TEAD1: variants seen among roughly 807,000 people sequenced by gnomAD.
TEAD1 encodes TEA domain transcription factor 1.
In TEAD1, 9 loss-of-function variants were observed where a neutral mutation model predicts 54.9. The observed-to-expected ratio is 0.16, with a 90% CI of 0.10 to 0.29. TEAD1 has a LOEUF of 0.29. Among genes scored for constraint, TEAD1 ranks in the 10% least tolerant of loss-of-function variants. TEAD1 has a pLI of 1.00. For missense variants in TEAD1, 387 were observed against 535.9 expected (o/e 0.72, Z 2.74); for synonymous variants, 200 against 187.8 (o/e 1.07, Z -0.53).
intron 9 of TEAD1, among the ~76,000 whole-genome samples, chr11:12,898,095 A>C (rs2134123334): frequency 6.6e-6 from 1 of 152,272 alleles, no homozygotes; most frequent in South Asian, 2.1e-4. Flanking sequence ...CACATCTATA[A>C]ACAACACATT....
intron 1 of TEAD1, among the ~76,000 whole-genome samples, 158 bp downstream of exon 1, chr11:12,674,992 C>T (rs1333238990): frequency 6.7e-6 from 1 of 148,242 alleles, no homozygotes; most frequent in African/African-American, 2.4e-5. Context: ...GCCCCCACAC[C>T]CGCCTCCCCG....
At chr11:12,870,909 G>A (rs1947734178) in intron 5 of TEAD1, among the ~76,000 whole-genome samples, 1 of 152,082 alleles carries the variant, frequency 6.6e-6, no homozygotes, top group African/African-American at 2.4e-5. Context: ...AAGAAAAAAT[G>A]TCTAGGACAG....
chr11:12,808,836 T>G (rs888466060), intron 3 of TEAD1, among the ~76,000 whole-genome samples: 1 of 152,196 alleles, frequency 6.6e-6, no homozygotes, highest in Non-Finnish European at 1.5e-5. Context: ...GAGTTTCAGT[T>G]TCCTTTTCTG....
At chr11:12,929,305 G>T (rs2134168754) in intron 11 of TEAD1, among the ~76,000 whole-genome samples, 1 of 152,018 alleles carries the variant, frequency 6.6e-6, no homozygotes, top group African/African-American at 2.4e-5. Flanking sequence ...TGTATGAAGA[G>T]TTTATTTTGT....
intron 3 of TEAD1, among the ~76,000 whole-genome samples, chr11:12,829,579 A>G (rs1425631483): frequency 6.6e-6 from 1 of 152,220 alleles, no homozygotes; most frequent in Non-Finnish European, 1.5e-5. Context: ...GATAATGCTC[A>G]TACTGATCCT....
intron 5 of TEAD1, among the ~76,000 whole-genome samples, chr11:12,868,126 G>A (rs755038572): frequency 6.6e-6 from 1 of 152,210 alleles, no homozygotes; most frequent in Non-Finnish European, 1.5e-5. Flanking sequence ...ACTGCCAGAT[G>A]TGTCTTCCTG....
intron 9 of TEAD1, among the ~76,000 whole-genome samples, chr11:12,895,439 A>G (rs1020059469): frequency 5.9e-5 from 9 of 152,108 alleles, no homozygotes; most frequent in Non-Finnish European, 1.0e-4. Context: ...TTTTTGGTGA[A>G]CCCTACCTGC....
At chr11:12,687,889 G>C (rs181810059) in intron 2 of TEAD1, among the ~76,000 whole-genome samples, 1 of 152,078 alleles carries the variant, frequency 6.6e-6, no homozygotes, top group Non-Finnish European at 1.5e-5. Flanking sequence ...GGACTCCTCC[G>C]GGCCAGGCTA....
At chr11:12,871,889 T>C (rs1206011177) in intron 5 of TEAD1, among the ~76,000 whole-genome samples, 1 of 152,160 alleles carries the variant, frequency 6.6e-6, no homozygotes, top group Non-Finnish European at 1.5e-5. Context: ...AAGAAAAACC[T>C]GTACTTGCTG....
chr11:12,813,615 G>A (rs1428301773), intron 3 of TEAD1, among the ~76,000 whole-genome samples: 1 of 152,192 alleles, frequency 6.6e-6, no homozygotes, highest in African/African-American at 2.4e-5. Context: ...TGAGATAAGA[G>A]CTGTGTGACT....
rs1410062259 is a variant in TEAD1, at chr11:12,899,258, T to C, written c.700-2682T>C. The stretch of plus-strand genomic sequence containing the variant: ...GAGAGCTAGCTGTAAGCAGAGGTTG[T>C]TAATCAGGGTTGGATGGACGGATAC... On this transcript the variant is annotated intron_variant, in intron 9 of 12. Coordinates refer to ENST00000527636, the MANE Select transcript of TEAD1 (RefSeq NM_021961.6). 2.7e-5 allele frequency among the ~76,000 whole-genome samples: 4 copies of C among 150,400 alleles called. No homozygotes were observed. The Admixed American group carries it at 2.7e-4, about 10-fold the overall frequency.
At chr11:12,931,921 AT>A (rs1263199765) in intron 12 of TEAD1, among the ~76,000 whole-genome samples, 2 of 135,550 alleles carry the variant, frequency 1.5e-5, no homozygotes, top group Admixed American at 7.5e-5. Flanking sequence ...CCTGGTTTTT[AT>A]TTTTTAAGCT....
chr11:12,918,776 G>A (rs1948758321), intron 10 of TEAD1, among the ~76,000 whole-genome samples: 1 of 152,176 alleles, frequency 6.6e-6, no homozygotes, highest in African/African-American at 2.4e-5. Context: ...ATAGATCGTG[G>A]CATTTTTCAT....
chr11:12,840,147 T>C (rs1295103210), intron 3 of TEAD1, among the ~76,000 whole-genome samples: 2 of 149,908 alleles, frequency 1.3e-5, no homozygotes, highest in Non-Finnish European at 3.0e-5. Context: ...CTTGGGAGGC[T>C]GAGGCAGAAG....
intron 11 of TEAD1, among the ~76,000 whole-genome samples, chr11:12,928,915 C>T (rs767074975): frequency 2.0e-5 from 3 of 152,142 alleles, no homozygotes; most frequent in Admixed American, 1.3e-4. Context: ...GAGGATACAG[C>T]GCCTTGGTAT....
At chr11:12,883,288 G>A (rs534434818) in intron 9 of TEAD1, among the ~76,000 whole-genome samples, 163 bp downstream of exon 9, 1 of 152,298 alleles carries the variant, frequency 6.6e-6, no homozygotes, top group South Asian at 2.1e-4. Flanking sequence ...TAAGTAAAAA[G>A]GGATTCCTAT....
At chr11:12,742,256 T>G (rs917413867) in intron 2 of TEAD1, among the ~76,000 whole-genome samples, 5 of 152,208 alleles carry the variant, frequency 3.3e-5, no homozygotes, top group Non-Finnish European at 7.3e-5. Flanking sequence ...GTGACATGAT[T>G]CTGGACAAAT....
At chr11:12,892,123 C>G (rs1948209685) in intron 9 of TEAD1, among the ~76,000 whole-genome samples, 1 of 152,188 alleles carries the variant, frequency 6.6e-6, no homozygotes, top group African/African-American at 2.4e-5. Context: ...GGCAGTTGGT[C>G]AAACGTGGGC....
intron 12 of TEAD1, 102 bp downstream of exon 12, chr11:12,930,428 C>CTG: frequency 7.0e-7 from 1 of 1,436,486 alleles, no homozygotes; most frequent in African/African-American, 1.4e-5. Context: ...GCCGAGGGAA[C>CTG]TGACCAGGTT....
Sources: allele counts gnomAD v4.1 joint callset (sites outside exome capture counted in the v4.1 genomes callset), GRCh38; gene constraint gnomAD v4.1.1; transcripts MANE v1.5; gene names NCBI Gene and HGNC (gene_info 2026-07-23, HGNC 2026-07-21).